PCARE: variants seen among roughly 807,000 people sequenced by gnomAD.
The protein encoded by PCARE is uncharacterized protein C2orf71.
In PCARE, 72 loss-of-function variants were observed where a neutral mutation model predicts 82.2. The ratio of observed to expected loss-of-function variants is 0.88; its 90% CI spans 0.72 to 1.07. PCARE has a LOEUF of 1.07. PCARE is among the 50% of genes least tolerant of loss of function. The probability of loss-of-function intolerance (pLI) is 0.00; values close to 1 mark genes in which losing one functional copy is unlikely to be tolerated. For missense variants in PCARE, 1,768 were observed against 1,592.4 expected, an observed-to-expected ratio of 1.11 and a Z score of -1.88; for synonymous variants, 705 against 634.8, an observed-to-expected ratio of 1.11 and a Z score of -1.66.
intron 1 of PCARE, among the ~76,000 whole-genome samples, chr2:29,068,581 G>A (rs867732705): frequency 2.1e-4 from 32 of 152,130 alleles, no homozygotes; most frequent in Middle Eastern, 3.4e-3. Flanking sequence ...ACATTTCCCC[G>A]TGTATTCTGT....
At position 29,074,371 on chromosome 2, in the gene PCARE, A is replaced by G. The variant is rs1667551626; in HGVS notation, c.-110T>C. 1 of 1,218,070 alleles carries G rather than the reference A, an allele frequency of 8.2e-7. No individual in the cohort carries two copies. The highest frequency in any genetic ancestry group is 1.6e-5 in the South Asian group (1 of 63,272). The allele number at this position is 1,218,070 out of a possible 1,614,324, so 75.5% of individuals were successfully genotyped here. The stretch of plus-strand genomic sequence containing the variant: ...AGTCCATCCAGGCAATTTTCAGGCC[A>G]GAATTCTTTGAAGTCCATGGTACAA... On this transcript the variant is annotated 5_prime_UTR_variant, in exon 1 of 2. Coordinates refer to ENST00000331664, the MANE Select transcript of PCARE (RefSeq NM_001029883.3).
rs1264499831 is a variant in PCARE at position 29,070,886 on chromosome 2, C to A, written c.3376G>T (p.Ala1126Ser). ...TTAGCTTCAAACAGAGAGGAGGTAG[C>A]TGGGCAGAATATGGAATGTGTGTTC... is the stretch of plus-strand genomic sequence containing the variant. Reference protein sequence around the residue: ...SGNTHSIFCPATSSLFEAKPP... With the variant: ...SGNTHSIFCPSTSSLFEAKPP... Residue 1126 changes from alanine to serine, a missense_variant, in exon 1 of 2, where the codon GCT (alanine) becomes TCT (serine). Physicochemically the swap from Ala to Ser is moderately conservative, Grantham distance 99. Transcript: ENST00000331664. The A allele has an allele frequency of 6.2e-7, 1 of 1,613,642 alleles. No homozygotes were observed. The highest frequency in any genetic ancestry group is 1.3e-5 in the African/African-American group (1 of 74,870).
In PCARE at chr2:29,062,042, T is replaced by C. The variant is rs989367868; in HGVS notation, c.*2827A>G. 6.6e-6 allele frequency: 1 copy of C among 152,238 alleles called. No homozygotes were observed. The highest frequency in any genetic ancestry group is 1.5e-5 in the Non-Finnish European group (1 of 68,052). The allele number at this position is 152,238 out of a possible 1,614,324, so 9.4% of individuals were successfully genotyped here. On this transcript the variant is annotated 3_prime_UTR_variant, in exon 2 of 2. Transcript: ENST00000331664. ...AATTTGAGCTAAGTCTGGTAGTTGG[T>C]ATGGTAGCCAAAAACACATCTTTGA...
At position 29,071,305 on chromosome 2, in the gene PCARE, C is replaced by A; in HGVS notation, c.2957G>T (p.Arg986Ile). ...SLARPRQSRE[R>I]SPPVGRKASP... ...GGCCTTTCTGCCCACAGGGGGGCTT[C>A]TCTCTCGGCTCTGCCTTGGTCTGGC... is the stretch of plus-strand genomic sequence containing the variant. The change falls in exon 1 of 2, where the codon AGA (arginine) becomes ATA (isoleucine). Residue 986 changes from arginine (R) to isoleucine (I), a missense_variant. Coordinates refer to ENST00000331664, the MANE Select transcript of PCARE (RefSeq NM_001029883.3). 2 of 1,613,420 alleles carry A rather than the reference C, an allele frequency of 1.2e-6. No homozygotes were observed. The highest frequency in any genetic ancestry group is 1.7e-6 in the Non-Finnish European group (2 of 1,179,908).
In PCARE at chr2:29,073,487, C is replaced by T; in HGVS notation, c.775G>A (p.Glu259Lys). Residue 259 changes from glutamate (E) to lysine (K), a missense_variant, in exon 1 of 2, where the codon GAG (glutamate) becomes AAG (lysine). Coordinates refer to ENST00000331664, the MANE Select transcript of PCARE (RefSeq NM_001029883.3). ...AGGAGATTTGGCTGCTCCTGGGGCT[C>T]TCTTTTCTTCAAAGGCCAAGCCAGA... Reference protein sequence around the residue: ...EDLAWPLKKREPQEQPNLLQQ... With the variant: ...EDLAWPLKKRKPQEQPNLLQQ... 6.2e-7 allele frequency: 1 copy of T among 1,614,160 alleles called. No individual in the cohort carries two copies. Among genetic ancestry groups the T allele is most frequent in the South Asian group, 1.1e-5 (1 of 91,088 alleles).
In PCARE at chr2:29,071,148, C is replaced by G. The variant is rs140790266; in HGVS notation, c.3114G>C (p.Val1038=). The change falls in exon 1 of 2, where the codon GTG becomes GTC. Residue 1038 remains valine, a synonymous_variant. Coordinates refer to ENST00000331664, the MANE Select transcript of PCARE (RefSeq NM_001029883.3). The part of the protein sequence containing the change: ...TPPSPPVSPR[V]LSPPTTKRRT... ...GCCGCTTTGTGGTGGGTGGGCTTAG[C>G]ACCCTGGGGCTCACAGGTGGGCTGG... 2.4e-4 allele frequency: 382 copies of G among 1,580,200 alleles called. 1 individual carries two copies. In the African/African-American group the frequency reaches 4.6e-3, roughly 19 times the overall value.
In PCARE at chr2:29,065,072, C is replaced by CA; in HGVS notation, c.3669-6_3669-5insT. 1.1e-5 allele frequency: 15 copies of CA among 1,381,792 alleles called. No homozygotes were observed. The highest frequency in any genetic ancestry group is 1.8e-4 in the Middle Eastern group (1 of 5,408). 85.6% of individuals were successfully genotyped at this position (1,381,792 alleles called of 1,614,324 possible). A position where few individuals can be genotyped will look rare whatever the true frequency, so the allele number is the denominator to read the frequency against. On this transcript the variant is annotated splice_polypyrimidine_tract_variant and splice_region_variant and intron_variant, in intron 1 of 1. Transcript: ENST00000331664. ...TTAGGGCTCTCCTCGCTGCTGCTGC[C>CA]GAGAGAAAGGACAAGTGCAGGTCAG...
chr2:29,066,177 GTAA>G (rs1047518103), intron 1 of PCARE, among the ~76,000 whole-genome samples: 7 of 152,112 alleles, frequency 4.6e-5, no homozygotes, highest in African/African-American at 1.4e-4. Context: ...AAAAAAGGAA[GTAA>G]TAATAGTACC....
chr2:29,074,310 A>C lies in PCARE; in HGVS notation c.-49T>G, dbSNP rs966432611. 2 of 1,511,906 alleles carry C rather than the reference A, an allele frequency of 1.3e-6. No homozygotes were observed. Among genetic ancestry groups the C allele is most frequent in the Non-Finnish European group, 1.8e-6 (2 of 1,133,250 alleles). The allele number at this position is 1,511,906 out of a possible 1,614,324, so 93.7% of individuals were successfully genotyped here. A position where few individuals can be genotyped will look rare whatever the true frequency, so the allele number is the denominator to read the frequency against. On this transcript the variant is annotated 5_prime_UTR_variant, in exon 1 of 2. Coordinates refer to ENST00000331664, the MANE Select transcript of PCARE (RefSeq NM_001029883.3). ...CACCCACCTTCACAATTTTCCAAGA[A>C]TCATATTTGAAATAGGAACAAAAGG...
intron 1 of PCARE, among the ~76,000 whole-genome samples, chr2:29,067,356 C>T (rs1667404772): frequency 6.6e-6 from 1 of 152,144 alleles, no homozygotes; most frequent in South Asian, 2.1e-4. Context: ...ACTTCTGCTC[C>T]CAGATGCCAA....
At position 29,065,048 on chromosome 2, in the gene PCARE, T is replaced by A. The variant is rs1207741133; in HGVS notation, c.3688A>T (p.Lys1230Ter). The A allele has an allele frequency of 6.5e-7, 1 of 1,544,958 alleles. No individual in the cohort carries two copies. The change falls in exon 2 of 2, where the codon AAG becomes TAG. Residue 1230 changes from lysine to a stop codon, truncating the protein, a stop_gained. Transcript: ENST00000331664. LOFTEE classifies it low-confidence loss of function (END_TRUNC). ...GQNSSSEESP[K>*]KDTEPGSSPC... ...CTGCTCCCCGGCTCTGTGTCCTTCTTAGGGCTCTCCTCGCTGCTGCTGCCG... is the reference window on the plus strand; with the variant it reads ...CTGCTCCCCGGCTCTGTGTCCTTCTAAGGGCTCTCCTCGCTGCTGCTGCCG...
Position 29,070,722 on chromosome 2 carries a change from A to T in PCARE, c.3540T>A (p.Ala1180=), listed in dbSNP as rs1413645061. Residue 1180 remains alanine, a synonymous_variant, in exon 1 of 2, where the codon GCT becomes GCA. Coordinates refer to ENST00000331664, the MANE Select transcript of PCARE (RefSeq NM_001029883.3). ...AAGGCAGAGGGTTGAGGGCACACAG[A>T]GCTGCTCTCCGCTGCGAGTCTGCTC... ...WLRADSQRRA[A]LCALNPLPFL... is the part of the protein sequence containing the mutation. 2 of 1,614,092 alleles carry T rather than the reference A, an allele frequency of 1.2e-6. No individual in the cohort carries two copies. Among genetic ancestry groups the T allele is most frequent in the South Asian group, 2.2e-5 (2 of 91,080 alleles).
At chr2:29,066,664 C>G (rs556761936) in intron 1 of PCARE, among the ~76,000 whole-genome samples, 46 of 152,242 alleles carry the variant, frequency 3.0e-4, no homozygotes, top group Admixed American at 2.0e-4. Context: ...CTATGGTTGT[C>G]AGACAGGAAG....
At chr2:29,065,830 A>T (rs1161137404) in intron 1 of PCARE, among the ~76,000 whole-genome samples, 1 of 152,202 alleles carries the variant, frequency 6.6e-6, no homozygotes, top group East Asian at 1.9e-4. Context: ...ACCCCTCTGA[A>T]TCTTTGCTTC....
In PCARE at chr2:29,064,974, T is replaced by TG. The variant is rs1294416628; in HGVS notation, c.3761dup (p.Glu1255ArgfsTer38). The TG allele has an allele frequency of 6.3e-7, 1 of 1,595,250 alleles. No homozygotes were observed. The highest frequency in any genetic ancestry group is 2.3e-5 in the East Asian group (1 of 43,624). On this transcript the variant is annotated frameshift_variant, in exon 2 of 2. Coordinates refer to ENST00000331664, the MANE Select transcript of PCARE (RefSeq NM_001029883.3). LOFTEE classifies it low-confidence loss of function (END_TRUNC). ...GCCCGTGGCCCAGCACACAGAACTC[T>TG]GGGGGAGATGCACGCCTGGTGCCGC...
At chr2:29,068,785 T>G (rs1022301292) in intron 1 of PCARE, among the ~76,000 whole-genome samples, 12 of 152,146 alleles carry the variant, frequency 7.9e-5, no homozygotes, top group Admixed American at 6.5e-4. Context: ...GCCCCACCCC[T>G]GGATTCTGGT....
chr2:29,067,119 G>A (rs1389448591), intron 1 of PCARE, among the ~76,000 whole-genome samples: 1 of 152,206 alleles, frequency 6.6e-6, no homozygotes, highest in African/African-American at 2.4e-5. Context: ...CAGCTTGCAG[G>A]CCTGCCTCAG....
At position 29,072,076 on chromosome 2, in the gene PCARE, G is replaced by A. The variant is rs1166221810; in HGVS notation, c.2186C>T (p.Thr729Ile). 1 of 1,614,114 alleles carries A rather than the reference G, an allele frequency of 6.2e-7. No homozygotes were observed. Among genetic ancestry groups the A allele is most frequent in the African/African-American group, 1.3e-5 (1 of 74,936 alleles). ...DWNVRGCPTR[T>I]SVKKLIETFS... ...AGTTTCAATAAGCTTCTTGACGGAT[G>A]TTCTGGTGGGACAGCCTCTGACATT... Residue 729 changes from threonine to isoleucine, a missense_variant, in exon 1 of 2, where the codon ACA (threonine) becomes ATA (isoleucine). Coordinates refer to ENST00000331664, the MANE Select transcript of PCARE (RefSeq NM_001029883.3).
chr2:29,074,424 T>C lies in PCARE; in HGVS notation c.-163A>G, dbSNP rs1488418986. On this transcript the variant is annotated 5_prime_UTR_variant, in exon 1 of 2. In the 5' UTR this introduces an upstream ATG that the reference lacks. Transcript: ENST00000331664. Reference sequence around the variant, plus strand: ...TCCTAAACTTGGAACCAGCTTTCTTTATTTTCTTGGTCCAAATGTGAAGAG... The same window carrying C: ...TCCTAAACTTGGAACCAGCTTTCTTCATTTTCTTGGTCCAAATGTGAAGAG... 6.6e-6 allele frequency among the ~76,000 whole-genome samples: 1 copy of C among 152,220 alleles called. No individual in the cohort carries two copies. Among genetic ancestry groups the C allele is most frequent in the Non-Finnish European group, 1.5e-5 (1 of 68,034 alleles).
Sources: gnomAD v4.1 joint callset for allele counts (sites outside exome capture counted in the v4.1 genomes callset) on GRCh38, gnomAD v4.1.1 for gene constraint, MANE v1.5 for transcripts, NCBI Gene and HGNC (gene_info 2026-07-23, HGNC 2026-07-21) for gene names.